ERC2: variants seen among roughly 807,000 people sequenced by gnomAD.
ERC2 encodes ELKS/RAB6-interacting/CAST family member 2.
ERC2 carries 42 observed loss-of-function variants against 114.8 expected under a neutral mutation model. The ratio of observed to expected loss-of-function variants is 0.37; its 90% CI spans 0.29 to 0.47. The LOEUF is 0.47. Among genes scored for constraint, ERC2 ranks in the 20% least tolerant of loss-of-function variants. The probability of loss-of-function intolerance (pLI) is 0.99; values close to 1 mark genes in which losing one functional copy is unlikely to be tolerated. For synonymous variants in ERC2, 454 were observed against 425.5 expected, an observed-to-expected ratio of 1.07 and a Z score of -0.82; for missense variants, 939 against 1,150.7, an observed-to-expected ratio of 0.82 and a Z score of 2.66.
rs1233754160 is a variant in ERC2, at chr3:56,412,681, G to T, written c.657+21670C>A. ...TTGGCTTCCATGTTTGGCACGATTT[G>T]TGAGCTGTATACCTCAAATTTCTCA... is the stretch of plus-strand genomic sequence containing the variant. On this transcript the variant is annotated intron_variant, in intron 2 of 17. Coordinates refer to ENST00000288221, the MANE Select transcript of ERC2 (RefSeq NM_015576.3). Among the ~76,000 whole-genome samples, 4 of 152,300 alleles carry T rather than the reference G, an allele frequency of 2.6e-5. No homozygotes were observed. The South Asian group carries it at 8.3e-4, about 32-fold the overall frequency.
chr3:55,818,727 A>G (rs2059997835), intron 14 of ERC2, among the ~76,000 whole-genome samples: 1 of 152,244 alleles, frequency 6.6e-6, no homozygotes, highest in South Asian at 2.1e-4. Context: ...CACTTAGCAC[A>G]ATGCCTAGCA....
chr3:55,967,992 A>C (rs2068873274), intron 12 of ERC2, among the ~76,000 whole-genome samples: 1 of 152,186 alleles, frequency 6.6e-6, no homozygotes, highest in South Asian at 2.1e-4. Context: ...TGTTCAGTAT[A>C]AATTACCCAG....
chr3:55,785,663 T>G (rs762402335), intron 14 of ERC2, among the ~76,000 whole-genome samples: 2 of 152,216 alleles, frequency 1.3e-5, no homozygotes, highest in Non-Finnish European at 2.9e-5. Context: ...ATCTTCTCAT[T>G]CATGCTGCCC....
intron 13 of ERC2, among the ~76,000 whole-genome samples, chr3:55,945,886 G>A (rs1396024004): frequency 1.3e-5 from 2 of 152,096 alleles, no homozygotes; most frequent in East Asian, 3.9e-4. Context: ...ATAAATTGAA[G>A]AGAATTCTGC....
chr3:56,018,823 G>A, intron 8 of ERC2, 71 bp downstream of exon 8: 1 of 1,518,458 alleles, frequency 6.6e-7, no homozygotes, highest in Non-Finnish European at 9.0e-7. Context: ...ACATTTAAAT[G>A]CATTGGGATC....
chr3:55,886,324 T>G (rs1310416397), intron 14 of ERC2, among the ~76,000 whole-genome samples: 3 of 151,918 alleles, frequency 2.0e-5, no homozygotes, highest in East Asian at 1.9e-4. Flanking sequence ...ACTTATAAGT[T>G]GAATTTCAGT....
chr3:55,987,617 A>G (rs910167474), intron 11 of ERC2, among the ~76,000 whole-genome samples: 8 of 152,378 alleles, frequency 5.3e-5, no homozygotes, highest in South Asian at 2.1e-4. Context: ...TATTATCATA[A>G]TTTAAAAATA....
intron 5 of ERC2, among the ~76,000 whole-genome samples, chr3:56,144,615 G>C (rs1015317009): frequency 6.6e-6 from 1 of 152,196 alleles, no homozygotes; most frequent in African/African-American, 2.4e-5. Context: ...GAAATCAACT[G>C]GATATAGACA....
chr3:55,970,197 T>C (rs2069057686), intron 12 of ERC2, among the ~76,000 whole-genome samples: 1 of 152,188 alleles, frequency 6.6e-6, no homozygotes, highest in African/African-American at 2.4e-5. Flanking sequence ...GTAATTTATT[T>C]GTAAACAACA....
At chr3:55,514,692 C>T (rs547028460) in intron 17 of ERC2, among the ~76,000 whole-genome samples, 10 of 152,252 alleles carry the variant, frequency 6.6e-5, no homozygotes, top group South Asian at 2.1e-4. Flanking sequence ...CCTACAACCA[C>T]GAGGAAATGA....
chr3:56,231,209 C>T (rs557735509), intron 3 of ERC2, among the ~76,000 whole-genome samples: 43 of 152,306 alleles, frequency 2.8e-4, no homozygotes, highest in African/African-American at 9.9e-4. Context: ...TGCTCCAATA[C>T]CCTGGATGAC....
intron 14 of ERC2, among the ~76,000 whole-genome samples, chr3:55,852,088 C>T (rs575807316): frequency 3.3e-5 from 5 of 152,098 alleles, no homozygotes; most frequent in South Asian, 2.1e-4. Context: ...GGCGTGGTGG[C>T]GCATTCTTCT....
At chr3:56,344,049 AT>A (rs374938409) in intron 2 of ERC2, among the ~76,000 whole-genome samples, 157 of 152,272 alleles carry the variant, frequency 1.0e-3, no homozygotes, top group African/African-American at 3.5e-3. Flanking sequence ...TGTTACTAGG[AT>A]TTATCAGAGT....
chr3:55,722,093 T>C (rs9827132), intron 15 of ERC2, among the ~76,000 whole-genome samples: 82,845 of 151,998 alleles, frequency 0.55, 22,987 homozygotes, highest in South Asian at 0.69. Flanking sequence ...TCTAAAGTTA[T>C]AGTCTTTTTG....
intron 14 of ERC2, among the ~76,000 whole-genome samples, chr3:55,817,350 G>A (rs973847186): frequency 1.3e-5 from 2 of 152,178 alleles, no homozygotes; most frequent in Admixed American, 1.3e-4. Context: ...AAATGGCTGA[G>A]CCTTTCCAGC....
At chr3:56,154,703 C>T (rs2081600034) in intron 4 of ERC2, among the ~76,000 whole-genome samples, 1 of 152,136 alleles carries the variant, frequency 6.6e-6, no homozygotes, top group South Asian at 2.1e-4. Flanking sequence ...AACATCTGAC[C>T]TTTACAGAGT....
chr3:55,783,817 G>T (rs1032437156), intron 14 of ERC2, among the ~76,000 whole-genome samples: 1 of 152,178 alleles, frequency 6.6e-6, no homozygotes, highest in Non-Finnish European at 1.5e-5. Context: ...TCCCAACACT[G>T]AAAGCCAAAG....
chr3:55,816,206 G>A (rs948688855), intron 14 of ERC2, among the ~76,000 whole-genome samples: 20 of 151,870 alleles, frequency 1.3e-4, no homozygotes, highest in Non-Finnish European at 2.1e-4. Context: ...AATTTTAAGC[G>A]TGTATCGGAT....
chr3:55,751,083 G>T (rs1383428484), intron 14 of ERC2, among the ~76,000 whole-genome samples: 1 of 152,180 alleles, frequency 6.6e-6, no homozygotes, highest in Non-Finnish European at 1.5e-5. Context: ...AAACATTCAC[G>T]TGATTGCTGC....
Sources: gnomAD v4.1 joint callset for allele counts (sites outside exome capture counted in the v4.1 genomes callset) on GRCh38, gnomAD v4.1.1 for gene constraint, MANE v1.5 for transcripts, NCBI Gene and HGNC (gene_info 2026-07-23, HGNC 2026-07-21) for gene names.